PATJ: variants seen among roughly 807,000 people sequenced by gnomAD.
PATJ encodes inaD-like protein.
A neutral mutation model predicts 224.9 loss-of-function variants in PATJ; 190 were observed. The observed-to-expected ratio is 0.84, with a 90% CI of 0.75 to 0.95. The LOEUF (loss-of-function observed/expected upper bound fraction) is 0.95. Ranked by LOEUF, PATJ falls within the 40% of genes least tolerant of loss-of-function variation. PATJ has a pLI of 0.00. For synonymous variants in PATJ, 769 were observed against 820.3 expected, an observed-to-expected ratio of 0.94 and a Z score of 1.07; for missense variants, 2,121 against 2,270.3, an observed-to-expected ratio of 0.93 and a Z score of 1.34.
chr1:62,106,061 A>ATAT lies in PATJ; in HGVS notation c.4378-2376_4378-2375insTAT, dbSNP rs1416758766. Among the ~76,000 whole-genome samples, 76 of 32,526 alleles carry ATAT rather than the reference A, an allele frequency of 2.3e-3. 2 individuals are homozygous for ATAT. Among genetic ancestry groups the ATAT allele is most frequent in the African/African-American group, 6.7e-3 (59 of 8,872 alleles). 21.3% of individuals were successfully genotyped at this position (32,526 alleles called of 152,430 possible). A position where few individuals can be genotyped will look rare whatever the true frequency, so the allele number is the denominator to read the frequency against. On this transcript the variant is annotated intron_variant, in intron 33 of 43. Coordinates refer to ENST00000642238, the MANE Select transcript of PATJ (RefSeq NM_001350145.3). ...GACTCCTCTTAAAAAAAAAAAAAAA[A>ATAT]AAATATATATATATATATACACACA...
intron 22 of PATJ, among the ~76,000 whole-genome samples, chr1:61,886,566 T>C (rs985542422): frequency 6.6e-6 from 1 of 152,020 alleles, no homozygotes; most frequent in African/African-American, 2.4e-5. Flanking sequence ...ATGCCTGTAA[T>C]CCCAGCACTT....
chr1:62,033,534 G>C (rs975897279), intron 29 of PATJ, among the ~76,000 whole-genome samples: 14 of 152,208 alleles, frequency 9.2e-5, no homozygotes, highest in South Asian at 2.1e-4. Flanking sequence ...GCCTCTGGGA[G>C]AGAGAATTTG....
intron 12 of PATJ, among the ~76,000 whole-genome samples, chr1:61,802,739 A>AT (rs919798860): frequency 1.1e-4 from 16 of 151,938 alleles, no homozygotes; most frequent in African/African-American, 3.6e-4. Flanking sequence ...TTATTCTTTA[A>AT]TTTTTTTTAA....
At chr1:62,155,617 G>A (rs1669103447) in intron 43 of PATJ, among the ~76,000 whole-genome samples, 1 of 150,174 alleles carries the variant, frequency 6.7e-6, no homozygotes, top group South Asian at 2.1e-4. Context: ...ACATTGTAAG[G>A]AATAGATATT....
At chr1:61,869,308 G>T (rs372395247) in intron 20 of PATJ, among the ~76,000 whole-genome samples, 3 of 151,592 alleles carry the variant, frequency 2.0e-5, no homozygotes, top group African/African-American at 7.3e-5. Flanking sequence ...GGGTTTCACC[G>T]TTTTAGCCGG....
chr1:61,910,536 CTTTTTTTTTTTTTTTTT>C (rs71050181), intron 25 of PATJ, among the ~76,000 whole-genome samples: 2 of 42,268 alleles, frequency 4.7e-5, no homozygotes, highest in East Asian at 1.0e-3. Context: ...CAAAGTGACT[CTTTTTTTTTTTTTTTTT>C]TTTTTTTTTT....
chr1:61,905,204 T>C (rs1284824510), intron 24 of PATJ, among the ~76,000 whole-genome samples: 1 of 152,258 alleles, frequency 6.6e-6, no homozygotes, highest in African/African-American at 2.4e-5. Context: ...GATTTCAGTG[T>C]CTGGTGTGGA....
intron 20 of PATJ, among the ~76,000 whole-genome samples, chr1:61,874,969 G>C (rs1242410448): frequency 6.6e-6 from 1 of 152,104 alleles, no homozygotes; most frequent in African/African-American, 2.4e-5. Flanking sequence ...CTCTACCTTG[G>C]TAAATGTTTA....
intron 31 of PATJ, 55 bp from the exon 32 acceptor site, chr1:62,079,395 T>C: frequency 1.9e-5 from 20 of 1,066,034 alleles, no homozygotes; most frequent in Non-Finnish European, 2.9e-5. Context: ...TTTAAAGTAT[T>C]TTCTTGTTAC....
intron 29 of PATJ, among the ~76,000 whole-genome samples, chr1:62,026,283 T>C (rs753115223): frequency 5.9e-5 from 9 of 152,236 alleles, no homozygotes; most frequent in Non-Finnish European, 7.3e-5. Context: ...TTACTTCTGG[T>C]TCATTTACAT....
At chr1:61,991,353 A>T in intron 28 of PATJ, 1 of 258,862 alleles carries the variant, frequency 3.9e-6, no homozygotes, top group Non-Finnish European at 6.0e-6. Context: ...ATTGTGCTTT[A>T]AAGCCTATTT....
At chr1:61,796,481 C>T (rs1651128432) in intron 10 of PATJ, among the ~76,000 whole-genome samples, 1 of 152,034 alleles carries the variant, frequency 6.6e-6, no homozygotes, top group Non-Finnish European at 1.5e-5. Context: ...AATAACTGGC[C>T]ATCTTTTATG....
At chr1:61,892,182 C>T (rs896862189) in intron 22 of PATJ, among the ~76,000 whole-genome samples, 1 of 152,168 alleles carries the variant, frequency 6.6e-6, no homozygotes, top group Non-Finnish European at 1.5e-5. Flanking sequence ...CAGTTGCTCA[C>T]ATTCCCTGTG....
chr1:61,805,389 G>C (rs371709172), intron 12 of PATJ, 59 bp from the exon 13 acceptor site: 28 of 1,050,096 alleles, frequency 2.7e-5, no homozygotes, highest in Non-Finnish European at 3.8e-5. Flanking sequence ...AGTTAAGTGT[G>C]TTTGGCTCAC....
At chr1:62,113,160 A>G (rs1256490612) in intron 34 of PATJ, among the ~76,000 whole-genome samples, 3 of 152,214 alleles carry the variant, frequency 2.0e-5, no homozygotes, top group Non-Finnish European at 4.4e-5. Flanking sequence ...CAGAGATTAC[A>G]TGACTTGGCT....
intron 27 of PATJ, among the ~76,000 whole-genome samples, chr1:61,932,133 G>A (rs1399282685): frequency 2.0e-5 from 3 of 152,096 alleles, no homozygotes; most frequent in Non-Finnish European, 4.4e-5. Context: ...CAGAAAGCTT[G>A]TTAAAACAGT....
At chr1:62,009,125 C>T (rs1370703705) in intron 28 of PATJ, among the ~76,000 whole-genome samples, 1 of 152,112 alleles carries the variant, frequency 6.6e-6, no homozygotes, top group Non-Finnish European at 1.5e-5. Context: ...GCACTCAGGT[C>T]ATGAAAGGTG....
chr1:61,936,272 T>C lies in PATJ; in HGVS notation c.3670+8443T>C, dbSNP rs1273349909. 2.0e-5 allele frequency among the ~76,000 whole-genome samples: 3 copies of C among 151,262 alleles called. No individual in the cohort carries two copies. In the East Asian group the frequency reaches 5.8e-4, roughly 29 times the overall value. ...AATTTTTTAAAAAGTAATTCTTATG[T>C]GTTCCCATGGAGTGGAGTAGGAAAC... On this transcript the variant is annotated intron_variant, in intron 27 of 43. Transcript: ENST00000642238.
chr1:61,752,229 T>C (rs1645375169), intron 1 of PATJ, among the ~76,000 whole-genome samples: 1 of 151,824 alleles, frequency 6.6e-6, no homozygotes, highest in Admixed American at 6.6e-5. Context: ...TGATATGCAT[T>C]GGTTAACTTT....
Sources: gnomAD v4.1 joint callset for allele counts (sites outside exome capture counted in the v4.1 genomes callset) on GRCh38, gnomAD v4.1.1 for gene constraint, MANE v1.5 for transcripts, NCBI Gene and HGNC (gene_info 2026-07-23, HGNC 2026-07-21) for gene names.